SYCE1L: variants seen among roughly 807,000 people sequenced by gnomAD.
The protein encoded by SYCE1L is synaptonemal complex central element protein 1-like.
Under a neutral mutation model 39.6 loss-of-function variants are expected in SYCE1L, and 51 were observed. The ratio of observed to expected loss-of-function variants is 1.29; its 90% CI spans 1.03 to 1.63. The LOEUF is 1.63. SYCE1L is among the 40% of genes most tolerant of loss of function. SYCE1L has a pLI of 0.00. For missense variants in SYCE1L, 426 were observed against 304.9 expected (o/e 1.40, Z -2.96); for synonymous variants, 147 against 122.4 (o/e 1.20, Z -1.33).
At chr16:77,201,444 A>T (rs2054741417) in intron 1 of SYCE1L, 2 of 152,350 alleles carry the variant, frequency 1.3e-5, no homozygotes, top group East Asian at 3.9e-4. Flanking sequence ...TCGGCTTTAT[A>T]AAGGGAAGCA....
At chr16:77,205,044 C>CAAAAA (rs1451754899) in intron 1 of SYCE1L, among the ~76,000 whole-genome samples, 1 of 123,276 alleles carries the variant, frequency 8.1e-6, no homozygotes, top group East Asian at 2.4e-4. Flanking sequence ...GACTCCATCT[C>CAAAAA]AAAAAAAAAA....
intron 6 of SYCE1L, among the ~76,000 whole-genome samples, chr16:77,210,275 G>A (rs888112231): frequency 6.6e-6 from 1 of 152,152 alleles, no homozygotes; most frequent in Admixed American, 6.6e-5. Flanking sequence ...TCGACCTTAG[G>A]TGATCCTGCC....
chr16:77,209,430 C>T lies in SYCE1L; in HGVS notation c.318C>T (p.Ile106=). The change falls in exon 6 of 11, where the codon ATC becomes ATT. Residue 106 remains isoleucine, a synonymous_variant. Coordinates refer to ENST00000378644, the MANE Select transcript of SYCE1L (RefSeq NM_001129979.3). ...VLGKKQEALR[I]LQMHCQEKES... Reference sequence around the variant, plus strand: ...CCTTCCCCACAGAGGCACTGAGGATCCTCCAGATGCACTGCCAAGAGAAGG... The same window carrying T: ...CCTTCCCCACAGAGGCACTGAGGATTCTCCAGATGCACTGCCAAGAGAAGG... The T allele has an allele frequency of 1.3e-6, 2 of 1,551,692 alleles. No homozygotes were observed. The highest frequency in any genetic ancestry group is 1.7e-6 in the Non-Finnish European group (2 of 1,146,986).
chr16:77,200,627 G>T (rs1465204052), intron 1 of SYCE1L: 2 of 151,744 alleles, frequency 1.3e-5, no homozygotes, highest in African/African-American at 4.8e-5. Context: ...GTGGTGGCGG[G>T]CGCCTGTAGT....
rs1485861245 is a variant in SYCE1L, at chr16:77,212,926, C to G, written c.724C>G (p.Leu242Val). The G allele has an allele frequency of 2.0e-6, 3 of 1,524,758 alleles. No individual in the cohort carries two copies. Among genetic ancestry groups the G allele is most frequent in the South Asian group, 1.2e-5 (1 of 82,256 alleles). The allele number at this position is 1,524,758 out of a possible 1,614,324, so 94.5% of individuals were successfully genotyped here. Reference protein sequence around the residue: ...PEPPVAAPDAL With the variant: ...PEPPVAAPDAV ...GCCGCCGGTGGCTGCCCCTGACGCC[C>G]TCTAGGCCAGCAGGACCCGCCCGTT... is the stretch of plus-strand genomic sequence containing the variant. The change falls in exon 11 of 11, where the codon CTC (leucine) becomes GTC (valine). Residue 242 changes from leucine to valine, a missense_variant. Coordinates refer to ENST00000378644, the MANE Select transcript of SYCE1L (RefSeq NM_001129979.3).
intron 7 of SYCE1L, among the ~76,000 whole-genome samples, chr16:77,211,693 C>G (rs1420329463): frequency 6.6e-6 from 1 of 152,164 alleles, no homozygotes; most frequent in African/African-American, 2.4e-5. Flanking sequence ...CTGTCCCAAG[C>G]TGGTTGGGGA....
At chr16:77,202,810 A>G (rs2054756016) in intron 1 of SYCE1L, among the ~76,000 whole-genome samples, 1 of 141,118 alleles carries the variant, frequency 7.1e-6, no homozygotes, top group Admixed American at 7.2e-5. Context: ...GCTGAAATAA[A>G]TAGGGTGAAT....
chr16:77,199,417 C>G lies in SYCE1L; in HGVS notation c.-35C>G. On this transcript the variant is annotated 5_prime_UTR_variant, in exon 1 of 11. It adds an upstream start codon to the 5' untranslated region. Transcript: ENST00000378644. ...CGTGGTTTCTTTTTTAACCAGTCAT[C>G]AAGCGAGGCTCGCGCGCAGGCCCCG... 2 of 1,549,314 alleles carry G rather than the reference C, an allele frequency of 1.3e-6. No homozygotes were observed. The highest frequency in any genetic ancestry group is 1.7e-6 in the Non-Finnish European group (2 of 1,145,414).
At chr16:77,201,765 A>G (rs1173790166) in intron 1 of SYCE1L, 1 of 152,190 alleles carries the variant, frequency 6.6e-6, no homozygotes, top group African/African-American at 2.4e-5. Flanking sequence ...AGAGGCAGAA[A>G]AAAATTCTAA....
chr16:77,199,545 C>G, intron 1 of SYCE1L, 33 bp downstream of exon 1: 2 of 1,495,750 alleles, frequency 1.3e-6, no homozygotes, highest in Middle Eastern at 1.8e-4. Flanking sequence ...ACTCCTTTCT[C>G]TCCAACCAGG....
chr16:77,203,027 A>G (rs1240536373), intron 1 of SYCE1L, among the ~76,000 whole-genome samples: 1 of 152,206 alleles, frequency 6.6e-6, no homozygotes, highest in Non-Finnish European at 1.5e-5. Context: ...AATCTCAGGC[A>G]GGGACATGCC....
In SYCE1L at chr16:77,209,623, TGATATTAAATGGTCGTGTTAA is replaced by T. The variant is rs540183534; in HGVS notation, c.359+156_359+176del. Among the ~76,000 whole-genome samples the T allele has an allele frequency of 2.1e-3, 327 of 152,394 alleles. 1 individual carries two copies. The highest frequency in any genetic ancestry group is 7.7e-3 in the African/African-American group (319 of 41,602). On this transcript the variant is annotated intron_variant, in intron 6 of 10. Coordinates refer to ENST00000378644, the MANE Select transcript of SYCE1L (RefSeq NM_001129979.3). ...GACAAAAGATTTCCTTGGTTATCTC[TGATATTAAATGGTCGTGTTAA>T]GATTAATTTACTCATTTAATTATTC...
chr16:77,207,860 A>G (rs1047459548), intron 2 of SYCE1L, among the ~76,000 whole-genome samples: 1 of 151,772 alleles, frequency 6.6e-6, no homozygotes, highest in Non-Finnish European at 1.5e-5. Flanking sequence ...TCCCCCCTCC[A>G]TACTCTTTAC....
chr16:77,212,242 C>T (rs1567428176), intron 8 of SYCE1L, 40 bp from the exon 9 acceptor site: 2 of 1,539,694 alleles, frequency 1.3e-6, no homozygotes, highest in African/African-American at 1.4e-5. Context: ...GGGGATGTGC[C>T]CGGGCCTCGG....
chr16:77,213,054 G>T lies in SYCE1L; in HGVS notation c.*123G>T. The T allele has an allele frequency of 9.2e-7, 1 of 1,084,946 alleles. No individual in the cohort carries two copies. The highest frequency in any genetic ancestry group is 1.2e-6 in the Non-Finnish European group (1 of 831,174). The allele number at this position is 1,084,946 out of a possible 1,614,324, so 67.2% of individuals were successfully genotyped here. ...GCTACACCGTGGAGCGGGGCGGGGC[G>T]TGCTGGGATCTCGAGGCGGGGCCTC... is the stretch of plus-strand genomic sequence containing the variant. On this transcript the variant is annotated 3_prime_UTR_variant, in exon 11 of 11. Coordinates refer to ENST00000378644, the MANE Select transcript of SYCE1L (RefSeq NM_001129979.3).
chr16:77,206,397 C>G (rs2054785957), intron 1 of SYCE1L, 44 bp from the exon 2 acceptor site: 5 of 1,533,120 alleles, frequency 3.3e-6, no homozygotes, highest in Non-Finnish European at 3.5e-6. Flanking sequence ...TCTCTCCCCT[C>G]TCACTCTCGC....
At chr16:77,199,553 AG>A (rs2054707844) in intron 1 of SYCE1L, 41 bp downstream of exon 1, 1 of 1,424,362 alleles carries the variant, frequency 7.0e-7, no homozygotes, top group Non-Finnish European at 9.7e-7. Context: ...CTCTCCAACC[AG>A]GGCAGAAAGG....
Position 77,208,551 on chromosome 16 carries a change from C to T in SYCE1L, c.256+12C>T. 1 of 1,551,482 alleles carries T rather than the reference C, an allele frequency of 6.4e-7. No individual in the cohort carries two copies. Among genetic ancestry groups the T allele is most frequent in the Non-Finnish European group, 8.7e-7 (1 of 1,146,884 alleles). ...GGAATTAGACTCCTGTAAGTGGGGC[C>T]AAAAGAGGGACCCATCAACACTGCA... is the stretch of plus-strand genomic sequence containing the variant. On this transcript the variant is annotated intron_variant, in intron 4 of 10. Coordinates refer to ENST00000378644, the MANE Select transcript of SYCE1L (RefSeq NM_001129979.3).
chr16:77,208,136 G>A (rs2054798221), intron 2 of SYCE1L, 74 bp from the exon 3 acceptor site: 1 of 1,413,780 alleles, frequency 7.1e-7, no homozygotes, highest in African/African-American at 1.4e-5. Flanking sequence ...AGCAGACACA[G>A]TGCTTCTCCG....
Sources: allele counts gnomAD v4.1 joint callset (sites outside exome capture counted in the v4.1 genomes callset), GRCh38; gene constraint gnomAD v4.1.1; transcripts MANE v1.5; gene names NCBI Gene and HGNC (gene_info 2026-07-23, HGNC 2026-07-21).